The following PDIA5 variants were observed in gnomAD, a reference collection of about 807,000 sequenced individuals.
PDIA5 encodes protein disulfide isomerase family A member 5, also known as protein disulfide-isomerase A5.
PDIA5 carries 58 observed loss-of-function variants against 77.6 expected under a neutral mutation model. That is an observed-to-expected ratio of 0.75 (90% confidence interval 0.61 to 0.93). The LOEUF is 0.93. Among genes scored for constraint, PDIA5 ranks in the 40% least tolerant of loss-of-function variants. The probability of loss-of-function intolerance (pLI) is 0.00; values close to 1 mark genes in which losing one functional copy is unlikely to be tolerated. For missense variants in PDIA5, 630 were observed against 647.7 expected, an observed-to-expected ratio of 0.97 and a Z score of 0.30; for synonymous variants, 250 against 252.1, an observed-to-expected ratio of 0.99 and a Z score of 0.08.
intron 8 of PDIA5, among the ~76,000 whole-genome samples, chr3:123,119,767 G>A (rs1351482683): frequency 6.6e-6 from 1 of 152,228 alleles, no homozygotes; most frequent in Non-Finnish European, 1.5e-5. Flanking sequence ...CCTCGCTGCT[G>A]AAACACAGCT....
At chr3:123,067,846 A>G (rs1463583073) in intron 1 of PDIA5, among the ~76,000 whole-genome samples, 1 of 152,152 alleles carries the variant, frequency 6.6e-6, no homozygotes, top group Non-Finnish European at 1.5e-5. Flanking sequence ...TATCTGAGCT[A>G]GTTTCCTCAT....
At chr3:123,161,616 C>A in intron 16 of PDIA5, 161 bp downstream of exon 16, 1 of 783,610 alleles carries the variant, frequency 1.3e-6, no homozygotes, top group Non-Finnish European at 2.0e-6. Flanking sequence ...TGAGGCTTGA[C>A]ATTGTTGGAG....
intron 1 of PDIA5, among the ~76,000 whole-genome samples, chr3:123,086,794 A>G (rs1934150265): frequency 6.6e-6 from 1 of 152,166 alleles, no homozygotes; most frequent in African/African-American, 2.4e-5. Flanking sequence ...GTAGTGGAAG[A>G]CGGGTCCCAG....
intron 5 of PDIA5, among the ~76,000 whole-genome samples, chr3:123,105,081 G>T (rs1215105158): frequency 6.6e-6 from 1 of 152,156 alleles, no homozygotes; most frequent in Middle Eastern, 3.2e-3. Context: ...TGATGCTGAG[G>T]TGGAGAAGGG....
At chr3:123,129,682 G>A (rs1935328315) in intron 10 of PDIA5, among the ~76,000 whole-genome samples, 1 of 152,188 alleles carries the variant, frequency 6.6e-6, no homozygotes, top group Non-Finnish European at 1.5e-5. Context: ...TTGGGGCAAG[G>A]GAGGGCCCCT....
intron 8 of PDIA5, among the ~76,000 whole-genome samples, chr3:123,122,120 A>G (rs1423615282): frequency 5.3e-5 from 8 of 152,226 alleles, no homozygotes. Context: ...TTCAAAAATG[A>G]AATAGGTAAC....
chr3:123,067,561 G>A (rs1167898813), intron 1 of PDIA5: 2 of 290,572 alleles, frequency 6.9e-6, no homozygotes, highest in African/African-American at 2.2e-5. Flanking sequence ...TCCAGACTCC[G>A]AGCCCTGCAC....
intron 1 of PDIA5, among the ~76,000 whole-genome samples, chr3:123,086,281 A>G (rs1934136255): frequency 1.3e-5 from 2 of 152,230 alleles, no homozygotes; most frequent in South Asian, 2.1e-4. Context: ...TCATCCTCAT[A>G]TCAATCCCAC....
In PDIA5 at chr3:123,102,432, G is replaced by A. The variant is rs1380855250; in HGVS notation, c.279G>A (p.Leu93=). ...CCAGTGATGCAGAGAGTAGAAAATT[G>A]TGCAAGAAGATGAAAGTTGACCTGA... The part of the protein sequence containing the change: ...VDCGDAESRK[L]CKKMKVDLSP... Residue 93 remains leucine, a synonymous_variant, in exon 4 of 17, where the codon TTG becomes TTA. Transcript: ENST00000316218. The A allele has an allele frequency of 1.9e-6, 3 of 1,613,956 alleles. No individual in the cohort carries two copies. The highest frequency in any genetic ancestry group is 2.5e-6 in the Non-Finnish European group (3 of 1,179,792).
At chr3:123,083,396 A>G (rs1218782174) in intron 1 of PDIA5, among the ~76,000 whole-genome samples, 1 of 152,104 alleles carries the variant, frequency 6.6e-6, no homozygotes, top group Non-Finnish European at 1.5e-5. Flanking sequence ...CACCAGGGAG[A>G]TGCTTTATGG....
intron 1 of PDIA5, among the ~76,000 whole-genome samples, chr3:123,067,999 G>C (rs11921440): frequency 1.3e-5 from 2 of 152,020 alleles, no homozygotes; most frequent in South Asian, 4.1e-4. Context: ...TACACTTGGT[G>C]GGGGGGACTC....
At chr3:123,091,693 A>G (rs543889087) in intron 2 of PDIA5, among the ~76,000 whole-genome samples, 1 of 152,194 alleles carries the variant, frequency 6.6e-6, no homozygotes, top group African/African-American at 2.4e-5. Context: ...CATTCCTGCA[A>G]TTGACCCCTG....
chr3:123,101,309 C>T (rs555589370), intron 3 of PDIA5, among the ~76,000 whole-genome samples: 14 of 152,338 alleles, frequency 9.2e-5, no homozygotes, highest in African/African-American at 2.9e-4. Context: ...TGATAATTTG[C>T]ATTTCCAACA....
At chr3:123,131,953 G>A (rs1374804398) in intron 11 of PDIA5, among the ~76,000 whole-genome samples, 2 of 152,134 alleles carry the variant, frequency 1.3e-5, no homozygotes, top group Admixed American at 1.3e-4. Context: ...AGGTCACAGT[G>A]CATGAGGATG....
chr3:123,118,298 A>C (rs1935038386), intron 8 of PDIA5, among the ~76,000 whole-genome samples: 2 of 152,202 alleles, frequency 1.3e-5, no homozygotes, highest in African/African-American at 4.8e-5. Flanking sequence ...ACCTCAATAG[A>C]CACCATATTT....
At chr3:123,069,495 G>A (rs1933669670) in intron 1 of PDIA5, among the ~76,000 whole-genome samples, 1 of 152,140 alleles carries the variant, frequency 6.6e-6, no homozygotes, top group Non-Finnish European at 1.5e-5. Flanking sequence ...TAGACTGGTG[G>A]TGTAGAACAA....
intron 1 of PDIA5, among the ~76,000 whole-genome samples, chr3:123,078,583 A>C (rs1933915645): frequency 6.6e-6 from 1 of 152,212 alleles, no homozygotes. Flanking sequence ...TGAAGTTTAT[A>C]TATGATGTTC....
At chr3:123,100,560 C>T (rs556022517) in intron 3 of PDIA5, among the ~76,000 whole-genome samples, 7 of 152,310 alleles carry the variant, frequency 4.6e-5, no homozygotes, top group Non-Finnish European at 1.0e-4. Context: ...AGGCCCATGG[C>T]TGGAAGCTGC....
chr3:123,142,876 CCT>C (rs1935674676), intron 11 of PDIA5, among the ~76,000 whole-genome samples: 1 of 152,190 alleles, frequency 6.6e-6, no homozygotes, highest in African/African-American at 2.4e-5. Flanking sequence ...GGTCCTCTGT[CCT>C]CTGTCTCTAA....
Sources: allele counts gnomAD v4.1 joint callset (sites outside exome capture counted in the v4.1 genomes callset), GRCh38; gene constraint gnomAD v4.1.1; transcripts MANE v1.5; gene names NCBI Gene and HGNC (gene_info 2026-07-23, HGNC 2026-07-21).